PTPRD: variants seen among roughly 807,000 people sequenced by gnomAD.
PTPRD encodes the protein receptor-type tyrosine-protein phosphatase delta.
PTPRD carries 34 observed loss-of-function variants against 214.5 expected under a neutral mutation model. The observed-to-expected ratio is 0.16, with a 90% CI of 0.12 to 0.21. PTPRD has a LOEUF of 0.21. PTPRD is among the 10% of genes least tolerant of loss of function. PTPRD has a pLI of 1.00. For missense variants in PTPRD, 2,545 were observed against 2,398.7 expected (o/e 1.06, Z -1.27); for synonymous variants, 1,128 against 845.7 (o/e 1.33, Z -5.79).
chr9:9,961,367 G>A (rs1284367640), intron 4 of PTPRD, among the ~76,000 whole-genome samples: 2 of 151,986 alleles, frequency 1.3e-5, no homozygotes, highest in African/African-American at 4.8e-5. Flanking sequence ...CTGAAACAGT[G>A]GTTTTTAATA....
intron 6 of PTPRD, among the ~76,000 whole-genome samples, chr9:9,755,180 A>G (rs527285587): frequency 1.3e-5 from 2 of 152,104 alleles, no homozygotes; most frequent in Non-Finnish European, 2.9e-5. Context: ...TTGGTTCAGG[A>G]GGCAAATGAA....
At chr9:10,305,285 A>T (rs1010467221) in intron 3 of PTPRD, among the ~76,000 whole-genome samples, 4 of 151,942 alleles carry the variant, frequency 2.6e-5, no homozygotes, top group African/African-American at 9.7e-5. Flanking sequence ...TAAACGTAAG[A>T]CCTAAAACCA....
intron 9 of PTPRD, among the ~76,000 whole-genome samples, chr9:9,306,668 G>C (rs1027875321): frequency 4.6e-5 from 7 of 151,504 alleles, no homozygotes; most frequent in African/African-American, 1.7e-4. Context: ...TTAGGGTCAT[G>C]CAGCCATTAT....
chr9:8,590,102 T>C (rs779489479), intron 14 of PTPRD, among the ~76,000 whole-genome samples: 31 of 152,140 alleles, frequency 2.0e-4, no homozygotes, highest in Non-Finnish European at 3.5e-4. Context: ...ATTATATCTA[T>C]ACAATCTGTA....
chr9:8,828,412 A>T (rs1323979901), intron 11 of PTPRD, among the ~76,000 whole-genome samples: 1 of 152,208 alleles, frequency 6.6e-6, no homozygotes, highest in East Asian at 1.9e-4. Context: ...CAAAGCAAGA[A>T]GGCACCTGTC....
intron 2 of PTPRD, among the ~76,000 whole-genome samples, chr9:10,595,839 G>A (rs936142434): frequency 6.6e-6 from 1 of 151,486 alleles, no homozygotes; most frequent in African/African-American, 2.4e-5. Flanking sequence ...ATACATTTAA[G>A]ATGTTTTAAA....
intron 4 of PTPRD, among the ~76,000 whole-genome samples, chr9:9,963,763 G>A (rs1334363967): frequency 2.6e-5 from 4 of 152,054 alleles, no homozygotes; most frequent in African/African-American, 4.8e-5. Context: ...ATGAAGAGAT[G>A]AACTTATGGC....
intron 14 of PTPRD, among the ~76,000 whole-genome samples, chr9:8,631,796 T>A (rs904973246): frequency 6.6e-6 from 1 of 151,538 alleles, no homozygotes; most frequent in South Asian, 2.1e-4. Context: ...CCCTCCCTTG[T>A]TTTTAGCAAC....
At chr9:8,607,021 T>C (rs1007894996) in intron 14 of PTPRD, among the ~76,000 whole-genome samples, 4 of 152,168 alleles carry the variant, frequency 2.6e-5, no homozygotes, top group Non-Finnish European at 4.4e-5. Context: ...GAATGCTGAC[T>C]ACCTGGGGCT....
chr9:9,328,007 G>A (rs1595855417), intron 9 of PTPRD, among the ~76,000 whole-genome samples: 2 of 152,004 alleles, frequency 1.3e-5, no homozygotes, highest in African/African-American at 4.8e-5. Context: ...TACAGCCCAC[G>A]GGCCATGGAC....
intron 2 of PTPRD, among the ~76,000 whole-genome samples, chr9:10,477,911 A>C (rs1240031175): frequency 6.6e-6 from 1 of 152,112 alleles, no homozygotes; most frequent in Non-Finnish European, 1.5e-5. Context: ...TTTCTCACTC[A>C]TAAGTGGGAG....
intron 32 of PTPRD, 103 bp downstream of exon 32, chr9:8,465,363 G>C: frequency 9.5e-7 from 1 of 1,053,266 alleles, no homozygotes. Flanking sequence ...CAGTTCATGA[G>C]AAATAATGAG....
intron 14 of PTPRD, among the ~76,000 whole-genome samples, chr9:8,601,285 G>T (rs764614114): frequency 6.6e-6 from 1 of 152,188 alleles, no homozygotes; most frequent in African/African-American, 2.4e-5. Flanking sequence ...CTCCCAGATG[G>T]CATCTCTGAA....
chr9:8,451,827 C>T (rs1040308490), intron 33 of PTPRD: 25 of 467,610 alleles, frequency 5.3e-5, no homozygotes, highest in African/African-American at 4.7e-4. Context: ...TGTGGCTCTG[C>T]CATTCTTGCA....
intron 5 of PTPRD, among the ~76,000 whole-genome samples, chr9:9,912,376 T>A (rs1319923942): frequency 2.0e-5 from 3 of 152,122 alleles, no homozygotes; most frequent in African/African-American, 7.2e-5. Context: ...GAGGTAGCAG[T>A]CTCCCTTGTC....
Position 8,955,556 on chromosome 9 carries a change from A to G in PTPRD, c.-104+63141T>C, listed in dbSNP as rs927477464. Among the ~76,000 whole-genome samples, 4 of 151,940 alleles carry G rather than the reference A, an allele frequency of 2.6e-5. No homozygotes were observed. The East Asian group carries it at 7.7e-4, about 29-fold the overall frequency. ...CCTCTATGGTGTGCTCTTCGTTATA[A>G]GCTTCCCTTGAGCCTTTCACAGAAT... On this transcript the variant is annotated intron_variant, in intron 11 of 45. Transcript: ENST00000381196.
In PTPRD at chr9:9,859,329, C is replaced by G. The variant is rs2062195843; in HGVS notation, c.-368+79178G>C. On this transcript the variant is annotated intron_variant, in intron 5 of 45. Coordinates refer to ENST00000381196, the MANE Select transcript of PTPRD (RefSeq NM_002839.4). ...GACTAATACCCATACCAATCACAAT[C>G]AATTGCAACAGCTTCCTGGACTATT... Among the ~76,000 whole-genome samples the G allele has an allele frequency of 1.3e-5, 2 of 152,166 alleles. 1 individual carries two copies. The highest frequency in any genetic ancestry group is 1.3e-4 in the Admixed American group (2 of 15,284).
In PTPRD at chr9:8,555,701, AG is replaced by A. The variant is rs569760150; in HGVS notation, c.353-26923del. On this transcript the variant is annotated intron_variant, in intron 14 of 45. Coordinates refer to ENST00000381196, the MANE Select transcript of PTPRD (RefSeq NM_002839.4). ...ACTTAGAATGCAGTTTCCTATAGTC[AG>A]GCAGGGACAATGAGGATGTCAATGA... Among the ~76,000 whole-genome samples the A allele has an allele frequency of 1.4e-4, 22 of 152,344 alleles. 1 individual carries two copies. In the South Asian group the frequency reaches 4.6e-3, roughly 32 times the overall value.
At chr9:8,996,804 T>C (rs1350882334) in intron 11 of PTPRD, among the ~76,000 whole-genome samples, 1 of 152,014 alleles carries the variant, frequency 6.6e-6, no homozygotes, top group African/African-American at 2.4e-5. Flanking sequence ...TCTTAATACT[T>C]TTACTTAATA....
Sources: allele counts gnomAD v4.1 joint callset (sites outside exome capture counted in the v4.1 genomes callset), GRCh38; gene constraint gnomAD v4.1.1; transcripts MANE v1.5; gene names NCBI Gene and HGNC (gene_info 2026-07-23, HGNC 2026-07-21).